Variants in KMT2E observed in about 807,000 individuals in gnomAD.
KMT2E encodes the protein histone reader KMT2E.
Under a neutral mutation model 184.6 loss-of-function variants are expected in KMT2E, and 30 were observed. The observed-to-expected ratio is 0.16, with a 90% CI of 0.12 to 0.22. The LOEUF (loss-of-function observed/expected upper bound fraction) is 0.22. Ranked by LOEUF, KMT2E falls within the 10% of genes least tolerant of loss-of-function variation. The pLI is 1.00. For synonymous variants in KMT2E, 815 were observed against 776.5 expected (o/e 1.05, Z -0.82); for missense variants, 2,023 against 2,237.4 (o/e 0.90, Z 1.93).
At chr7:105,075,085 C>G (rs1797471746) in intron 8 of KMT2E, among the ~76,000 whole-genome samples, 3 of 151,986 alleles carry the variant, frequency 2.0e-5, no homozygotes, top group Non-Finnish European at 2.9e-5. Context: ...AGAAAGCCTT[C>G]ATAGTTTTCT....
intron 1 of KMT2E, among the ~76,000 whole-genome samples, chr7:105,032,852 A>AT (rs1486207478): frequency 6.6e-6 from 1 of 152,196 alleles, no homozygotes; most frequent in Non-Finnish European, 1.5e-5. Context: ...CTTTAACACT[A>AT]TTTTTTGCAA....
chr7:105,087,004 T>A (rs1797998870), intron 13 of KMT2E, among the ~76,000 whole-genome samples: 1 of 146,972 alleles, frequency 6.8e-6, no homozygotes, highest in Non-Finnish European at 1.5e-5. Context: ...ATGCTATTTG[T>A]TGGCAAATAT....
chr7:105,089,569 C>T (rs1798118169), intron 13 of KMT2E, among the ~76,000 whole-genome samples: 1 of 152,298 alleles, frequency 6.6e-6, no homozygotes, highest in Admixed American at 6.5e-5. Context: ...AGTCAAAGTG[C>T]AGTCAGAACT....
At chr7:105,101,186 AGT>A (rs1798642022) in intron 15 of KMT2E, among the ~76,000 whole-genome samples, 1 of 152,130 alleles carries the variant, frequency 6.6e-6, no homozygotes, top group Non-Finnish European at 1.5e-5. Context: ...ATTAACACTC[AGT>A]CATCCAAGTG....
chr7:105,082,256 T>C lies in KMT2E; in HGVS notation c.1358+459T>C, dbSNP rs112783928. 2.5e-3 allele frequency among the ~76,000 whole-genome samples: 383 copies of C among 152,274 alleles called. 6 individuals carry two copies. The highest frequency in any genetic ancestry group is 2.1e-3 in the Non-Finnish European group (142 of 68,002). ...AACTCTAAGAACTATTTTTCTGAAA[T>C]ACTAGTAAAAAACTAATGATAAATC... is the stretch of plus-strand genomic sequence containing the variant. On this transcript the variant is annotated intron_variant, in intron 13 of 26. Coordinates refer to ENST00000311117, the MANE Select transcript of KMT2E (RefSeq NM_182931.3).
intron 13 of KMT2E, among the ~76,000 whole-genome samples, chr7:105,082,793 CCCATATCATAGAAGAGT>C (rs1479273855): frequency 6.6e-6 from 1 of 152,134 alleles, no homozygotes; most frequent in Non-Finnish European, 1.5e-5. Context: ...AGCTTCAGTG[CCCATATCATAGAAGAGT>C]CCATATCATA....
intron 22 of KMT2E, 60 bp downstream of exon 22, chr7:105,107,985 A>G (rs2129569944): frequency 8.8e-7 from 1 of 1,135,730 alleles, no homozygotes; most frequent in Non-Finnish European, 1.2e-6. Flanking sequence ...TCATAATACT[A>G]CTGAGGGGAA....
At chr7:105,023,356 T>C (rs1795031016) in intron 1 of KMT2E, among the ~76,000 whole-genome samples, 2 of 140,588 alleles carry the variant, frequency 1.4e-5, no homozygotes, top group Non-Finnish European at 3.0e-5. Context: ...GAGCTGAGAT[T>C]GCACCATTGT....
chr7:105,057,162 A>T (rs1166295451), intron 3 of KMT2E, among the ~76,000 whole-genome samples: 1 of 152,232 alleles, frequency 6.6e-6, no homozygotes, highest in Admixed American at 6.5e-5. Context: ...GTAAGGGTTA[A>T]GAGTTATTCT....
At chr7:105,049,106 G>A (rs1796222672) in intron 3 of KMT2E, among the ~76,000 whole-genome samples, 1 of 152,134 alleles carries the variant, frequency 6.6e-6, no homozygotes, top group African/African-American at 2.4e-5. Flanking sequence ...AAGAAGAGAT[G>A]AGAGGAGTAG....
intron 3 of KMT2E, among the ~76,000 whole-genome samples, chr7:105,054,949 G>A (rs1466259465): frequency 2.0e-5 from 3 of 152,186 alleles, no homozygotes; most frequent in African/African-American, 7.2e-5. Flanking sequence ...TGAAGAATTA[G>A]ATTGAGCAGA....
At chr7:105,083,824 C>T (rs1218720194) in intron 13 of KMT2E, among the ~76,000 whole-genome samples, 1 of 152,174 alleles carries the variant, frequency 6.6e-6, no homozygotes, top group African/African-American at 2.4e-5. Context: ...TCATCTGCTG[C>T]CTCTTATTCA....
At chr7:105,027,715 A>AGG (rs1207795755) in intron 1 of KMT2E, among the ~76,000 whole-genome samples, 1 of 152,138 alleles carries the variant, frequency 6.6e-6, no homozygotes, top group Non-Finnish European at 1.5e-5. Flanking sequence ...AAGAGGAGGA[A>AGG]GCTGATCTTG....
chr7:105,042,269 G>A (rs1795913304), intron 3 of KMT2E, among the ~76,000 whole-genome samples: 1 of 152,162 alleles, frequency 6.6e-6, no homozygotes, highest in Non-Finnish European at 1.5e-5. Context: ...GGGATTACAG[G>A]CATGAACCAC....
intron 15 of KMT2E, among the ~76,000 whole-genome samples, chr7:105,093,489 C>T (rs1798290440): frequency 6.6e-6 from 1 of 152,056 alleles, no homozygotes; most frequent in African/African-American, 2.4e-5. Flanking sequence ...CGAGACCAGC[C>T]TGACCAATAT....
chr7:105,072,782 G>A (rs993099281), intron 6 of KMT2E, among the ~76,000 whole-genome samples: 1 of 152,128 alleles, frequency 6.6e-6, no homozygotes, highest in Non-Finnish European at 1.5e-5. Context: ...AGGTGTGGTA[G>A]CACATGCCCG....
rs752126578 is a variant in KMT2E, at chr7:105,112,603, C to T, written c.4847C>T (p.Thr1616Ile). 5 of 1,613,882 alleles carry T rather than the reference C, an allele frequency of 3.1e-6. No homozygotes were observed. Among genetic ancestry groups the T allele is most frequent in the Admixed American group, 1.7e-5 (1 of 59,990 alleles). Residue 1616 changes from threonine to isoleucine, a missense_variant, in exon 27 of 27, where the codon ACC becomes ATC. Thr to Ile is a moderately conservative substitution (Grantham distance 89). Transcript: ENST00000311117. ...PGHFLPSQNPTIHHQTAAAVV... is the reference protein window; with the variant it reads ...PGHFLPSQNPIIHHQTAAAVV... ...CATTTTTTGCCCTCTCAGAACCCTA[C>T]CATTCACCATCAAACTGCTGCTGCC... is the stretch of plus-strand genomic sequence containing the variant.
At chr7:105,076,861 T>G in intron 9 of KMT2E, 102 bp from the exon 10 acceptor site, 2 of 820,374 alleles carry the variant, frequency 2.4e-6, no homozygotes, top group Non-Finnish European at 4.0e-6. Flanking sequence ...TTGTATAGAT[T>G]GCCGTTAATT....
intron 2 of KMT2E, among the ~76,000 whole-genome samples, chr7:105,039,729 A>G (rs1004392497): frequency 6.6e-6 from 1 of 152,166 alleles, no homozygotes; most frequent in East Asian, 1.9e-4. Context: ...TTATTATAAG[A>G]TAAAAATATA....
Sources: allele counts gnomAD v4.1 joint callset (sites outside exome capture counted in the v4.1 genomes callset), GRCh38; gene constraint gnomAD v4.1.1; transcripts MANE v1.5; gene names NCBI Gene and HGNC (gene_info 2026-07-23, HGNC 2026-07-21).